Variants in NALCN observed in about 807,000 individuals in gnomAD.
NALCN encodes the protein sodium leak channel NALCN.
NALCN carries 111 observed loss-of-function variants against 225.3 expected under a neutral mutation model. The observed-to-expected ratio is 0.49, with a 90% confidence interval of 0.42 to 0.58. NALCN has a LOEUF of 0.58. NALCN is among the 20% of genes least tolerant of loss of function. The pLI is 0.00. For missense variants in NALCN, 1,378 were observed against 2,202.4 expected, an observed-to-expected ratio of 0.63 and a Z score of 7.49; for synonymous variants, 764 against 769.0, an observed-to-expected ratio of 0.99 and a Z score of 0.11.
intron 3 of NALCN, among the ~76,000 whole-genome samples, chr13:101,393,346 G>A (rs149652085): frequency 8.1e-4 from 124 of 152,268 alleles, no homozygotes; most frequent in African/African-American, 2.8e-3. Context: ...GCACCTGTGC[G>A]CATTGCTGGT....
At chr13:101,133,894 G>A (rs576806058) in intron 17 of NALCN, among the ~76,000 whole-genome samples, 2 of 152,314 alleles carry the variant, frequency 1.3e-5, no homozygotes, top group South Asian at 4.1e-4. Flanking sequence ...TGTAGGCCAG[G>A]TGCGGTGGCT....
chr13:101,110,800 G>T, intron 19 of NALCN, 112 bp from the exon 20 acceptor site: 1 of 1,046,434 alleles, frequency 9.6e-7, no homozygotes, highest in Non-Finnish European at 1.5e-6. Context: ...CGCCACAAAT[G>T]CCTATGATTT....
At chr13:101,385,697 T>C (rs1296009910) in intron 3 of NALCN, among the ~76,000 whole-genome samples, 1 of 152,206 alleles carries the variant, frequency 6.6e-6, no homozygotes, top group Non-Finnish European at 1.5e-5. Flanking sequence ...AACTATTTAA[T>C]ACTAGTGCAT....
intron 7 of NALCN, among the ~76,000 whole-genome samples, chr13:101,299,431 TTTGTTTG>T (rs1566547771): frequency 7.6e-6 from 1 of 131,412 alleles, no homozygotes; most frequent in African/African-American, 3.2e-5. Flanking sequence ...GTTTTTTTTG[TTTGTTTG>T]TTTGTTTGTT....
At chr13:101,400,001 T>C (rs1345799866) in intron 1 of NALCN, among the ~76,000 whole-genome samples, 2 of 152,178 alleles carry the variant, frequency 1.3e-5, no homozygotes, top group African/African-American at 4.8e-5. Context: ...TGGTACCTGA[T>C]GATCCCTGAG....
Position 101,347,140 on chromosome 13 carries a change from TACAC to T in NALCN, c.645-1724_645-1721del, listed in dbSNP as rs56838607. Among the ~76,000 whole-genome samples, 241 of 149,530 alleles carry T rather than the reference TACAC, an allele frequency of 1.6e-3. 1 individual carries two copies. Among genetic ancestry groups the T allele is most frequent in the South Asian group, 9.6e-3 (45 of 4,670 alleles). On this transcript the variant is annotated intron_variant, in intron 6 of 43. Transcript: ENST00000251127. ...ACGCATACACACACGTACATAGTTT[TACAC>T]ACACACACACACACACACACACCCC... is the stretch of plus-strand genomic sequence containing the variant.
At chr13:101,127,825 C>A (rs2139714114) in intron 17 of NALCN, among the ~76,000 whole-genome samples, 1 of 152,242 alleles carries the variant, frequency 6.6e-6, no homozygotes, top group Non-Finnish European at 1.5e-5. Context: ...TAGTGATTAT[C>A]TAGTTATTCC....
At chr13:101,118,729 G>A (rs775023295) in intron 18 of NALCN, among the ~76,000 whole-genome samples, 1 of 152,072 alleles carries the variant, frequency 6.6e-6, no homozygotes. Context: ...TTAAAACTTG[G>A]GGTTATTCAT....
At chr13:101,289,128 C>A (rs2043451393) in intron 9 of NALCN, among the ~76,000 whole-genome samples, 1 of 152,194 alleles carries the variant, frequency 6.6e-6, no homozygotes, top group Non-Finnish European at 1.5e-5. Flanking sequence ...GTGTATGAAT[C>A]ACTTATCCTT....
intron 17 of NALCN, among the ~76,000 whole-genome samples, chr13:101,138,111 G>A (rs2036894479): frequency 6.6e-6 from 1 of 152,148 alleles, no homozygotes; most frequent in African/African-American, 2.4e-5. Flanking sequence ...AGGGGGTTCT[G>A]TCTCATGGTT....
chr13:101,257,201 T>C (rs1410980781), intron 11 of NALCN, among the ~76,000 whole-genome samples: 36 of 132,830 alleles, frequency 2.7e-4, no homozygotes, highest in Non-Finnish European at 4.9e-5. Context: ...AAACTCTTAT[T>C]GTTTATTGTT....
At chr13:101,309,379 T>C (rs984224206) in intron 7 of NALCN, among the ~76,000 whole-genome samples, 4 of 152,204 alleles carry the variant, frequency 2.6e-5, no homozygotes, top group Non-Finnish European at 4.4e-5. Flanking sequence ...TGGCAAGTTT[T>C]TGCAAGTGCT....
chr13:101,375,997 A>G lies in NALCN; in HGVS notation c.644+703T>C, dbSNP rs373624855. 3.3e-5 allele frequency among the ~76,000 whole-genome samples: 5 copies of G among 152,306 alleles called. No individual in the cohort carries two copies. In the East Asian group the frequency reaches 7.7e-4, roughly 24 times the overall value. ...AGGCAGGTGCTCTATTGCATAATACATAATAGGTAATTAAAGTACATACAT... is the reference window on the plus strand; with the variant it reads ...AGGCAGGTGCTCTATTGCATAATACGTAATAGGTAATTAAAGTACATACAT... On this transcript the variant is annotated intron_variant, in intron 6 of 43. Transcript: ENST00000251127.
chr13:101,092,782 T>G (rs1287710275), intron 28 of NALCN, among the ~76,000 whole-genome samples: 1 of 152,148 alleles, frequency 6.6e-6, no homozygotes, highest in Non-Finnish European at 1.5e-5. Context: ...CCTTAGACCC[T>G]ATAAAACCTG....
intron 22 of NALCN, among the ~76,000 whole-genome samples, chr13:101,106,051 A>C (rs1566818610): frequency 6.6e-6 from 1 of 152,192 alleles, no homozygotes; most frequent in Non-Finnish European, 1.5e-5. Context: ...GAAATCCAAG[A>C]TCAAGATGCC....
chr13:101,386,306 T>C (rs1238334832), intron 3 of NALCN, among the ~76,000 whole-genome samples: 2 of 152,218 alleles, frequency 1.3e-5, no homozygotes, highest in Admixed American at 6.5e-5. Flanking sequence ...CTATCCACCA[T>C]GTTTTCAGAA....
At chr13:101,194,938 A>C (rs1049146599) in intron 13 of NALCN, among the ~76,000 whole-genome samples, 1 of 152,202 alleles carries the variant, frequency 6.6e-6, no homozygotes, top group Non-Finnish European at 1.5e-5. Context: ...TGGGAGGCGG[A>C]GGTTTCAGTG....
chr13:101,366,584 T>G (rs910775872), intron 6 of NALCN, among the ~76,000 whole-genome samples: 11 of 152,252 alleles, frequency 7.2e-5, no homozygotes, highest in African/African-American at 2.6e-4. Flanking sequence ...AACACAGCCA[T>G]CATACCTTAG....
At chr13:101,414,216 CT>C (rs1387879045) in intron 1 of NALCN, among the ~76,000 whole-genome samples, 1 of 152,126 alleles carries the variant, frequency 6.6e-6, no homozygotes, top group African/African-American at 2.4e-5. Context: ...TTTAAGCTCA[CT>C]ATCATAGTTT....
Sources: gnomAD v4.1 joint callset for allele counts (sites outside exome capture counted in the v4.1 genomes callset) on GRCh38, gnomAD v4.1.1 for gene constraint, MANE v1.5 for transcripts, NCBI Gene and HGNC (gene_info 2026-07-23, HGNC 2026-07-21) for gene names.